ZDHHC2: variants seen among roughly 807,000 people sequenced by gnomAD.
The protein encoded by ZDHHC2 is palmitoyltransferase ZDHHC2.
A neutral mutation model predicts 55.6 loss-of-function variants in ZDHHC2; 51 were observed. The observed-to-expected ratio is 0.92, with a 90% confidence interval of 0.73 to 1.16. The LOEUF (loss-of-function observed/expected upper bound fraction) is 1.16. Among genes scored for constraint, ZDHHC2 ranks in the 50% most tolerant of loss-of-function variants. ZDHHC2 has a pLI of 0.00. For synonymous variants in ZDHHC2, 199 were observed against 152.9 expected (o/e 1.30, Z -2.22); for missense variants, 491 against 442.4 (o/e 1.11, Z -0.99).
intron 1 of ZDHHC2, among the ~76,000 whole-genome samples, chr8:17,172,536 A>G (rs1244135808): frequency 1.3e-5 from 2 of 152,212 alleles, no homozygotes; most frequent in Non-Finnish European, 1.5e-5. Flanking sequence ...ATACTCAACC[A>G]TACGGTATTA....
At chr8:17,199,546 T>TCTTCGTCTTCTGTCTTC (rs1806566009) in intron 6 of ZDHHC2, among the ~76,000 whole-genome samples, 1 of 40,642 alleles carries the variant, frequency 2.5e-5, no homozygotes, top group African/African-American at 7.4e-5. Flanking sequence ...CTTCGTCTTC[T>TCTTCGTCTTCTGTCTTC]GTCTTCGTCT....
rs1456922520 is a variant in ZDHHC2 at position 17,220,093 on chromosome 8, AT to A, written c.*35-161del. On this transcript the variant is annotated intron_variant, in intron 12 of 12. Transcript: ENST00000262096. ...ATATGCATATTAAAGTTTGAGCAGT[AT>A]TGATGTAGAGTTCCATATTCAAGAG... 2.6e-5 allele frequency among the ~76,000 whole-genome samples: 4 copies of A among 152,198 alleles called. No individual in the cohort carries two copies. The East Asian group carries it at 7.7e-4, about 29-fold the overall frequency.
chr8:17,202,538 C>T (rs1365502511), intron 6 of ZDHHC2, among the ~76,000 whole-genome samples: 2 of 152,028 alleles, frequency 1.3e-5, no homozygotes, highest in African/African-American at 2.4e-5. Context: ...TTTCCTAGAA[C>T]GTGTTTTGTT....
intron 11 of ZDHHC2, among the ~76,000 whole-genome samples, chr8:17,216,585 T>C (rs184155071): frequency 5.3e-5 from 8 of 152,290 alleles, no homozygotes; most frequent in African/African-American, 1.7e-4. Context: ...GGGGGTCAAT[T>C]GTTGAGACGT....
At chr8:17,208,890 T>A (rs1256794511) in intron 8 of ZDHHC2, among the ~76,000 whole-genome samples, 1 of 152,158 alleles carries the variant, frequency 6.6e-6, no homozygotes, top group South Asian at 2.1e-4. Context: ...CCCTGGATAA[T>A]ATGATCCTTT....
chr8:17,157,832 G>T (rs1804140756), intron 1 of ZDHHC2, among the ~76,000 whole-genome samples: 1 of 152,162 alleles, frequency 6.6e-6, no homozygotes, highest in Admixed American at 6.5e-5. Context: ...CTAGCTTTGG[G>T]TGGGACGAGG....
At chr8:17,218,154 G>T (rs557138024) in intron 12 of ZDHHC2, among the ~76,000 whole-genome samples, 33 of 152,302 alleles carry the variant, frequency 2.2e-4, no homozygotes, top group South Asian at 4.1e-4. Flanking sequence ...GGAAGAGCAG[G>T]ATCAGCTCTG....
At position 17,221,821 on chromosome 8, in the gene ZDHHC2, C is replaced by T. The variant is rs917060873; in HGVS notation, c.*1600C>T. On this transcript the variant is annotated 3_prime_UTR_variant, in exon 13 of 13. Coordinates refer to ENST00000262096, the MANE Select transcript of ZDHHC2 (RefSeq NM_016353.5). ...TCTGACAATCTGCTTCAAGAAATCT[C>T]AGAAAATATGATAACATTTTAACTT... 6.6e-6 allele frequency: 1 copy of T among 152,368 alleles called. No individual in the cohort carries two copies. The highest frequency in any genetic ancestry group is 6.6e-5 in the Admixed American group (1 of 15,246). The allele number at this position is 152,368 out of a possible 1,614,324, so 9.4% of individuals were successfully genotyped here.
intron 3 of ZDHHC2, among the ~76,000 whole-genome samples, chr8:17,188,195 G>C (rs909429371): frequency 1.3e-5 from 2 of 152,126 alleles, no homozygotes; most frequent in African/African-American, 4.8e-5. Context: ...ACCATCTTAA[G>C]GTTTTCTGTT....
In ZDHHC2 at chr8:17,220,671, T is replaced by A. The variant is rs533058270; in HGVS notation, c.*450T>A. ...TAATGATAAGCATTATTCATAAAAC[T>A]TGTTACCTTTAAGAAGGTGGAAGTG... On this transcript the variant is annotated 3_prime_UTR_variant, in exon 13 of 13. Transcript: ENST00000262096. 16 of 152,332 alleles carry A rather than the reference T, an allele frequency of 1.1e-4. No homozygotes were observed. The highest frequency in any genetic ancestry group is 3.6e-4 in the African/African-American group (15 of 41,582). The allele number at this position is 152,332 out of a possible 1,614,324, so 9.4% of individuals were successfully genotyped here. A position where few individuals can be genotyped will look rare whatever the true frequency, so the allele number is the denominator to read the frequency against.
chr8:17,201,519 G>T (rs1411228359), intron 6 of ZDHHC2, among the ~76,000 whole-genome samples: 2 of 93,560 alleles, frequency 2.1e-5, no homozygotes, highest in Non-Finnish European at 3.9e-5. Flanking sequence ...TTTAGATGGA[G>T]TCTAGCTCTG....
At chr8:17,190,782 C>G (rs1805983522) in intron 3 of ZDHHC2, among the ~76,000 whole-genome samples, 1 of 151,752 alleles carries the variant, frequency 6.6e-6, no homozygotes, top group Non-Finnish European at 1.5e-5. Context: ...TACAGGCATG[C>G]AATGTGTAAT....
intron 1 of ZDHHC2, among the ~76,000 whole-genome samples, chr8:17,165,668 A>C (rs1804565490): frequency 2.6e-5 from 4 of 152,218 alleles, no homozygotes; most frequent in Admixed American, 2.6e-4. Flanking sequence ...TGGGGGAAGG[A>C]AAATGAAATA....
intron 3 of ZDHHC2, among the ~76,000 whole-genome samples, chr8:17,188,401 T>A (rs1248412855): frequency 6.6e-6 from 1 of 152,188 alleles, no homozygotes; most frequent in Non-Finnish European, 1.5e-5. Flanking sequence ...ATTTCTGACT[T>A]TATACTTTAT....
At chr8:17,205,820 G>A (rs111526154) in intron 7 of ZDHHC2, 45 bp downstream of exon 7, 5 of 1,540,666 alleles carry the variant, frequency 3.2e-6, no homozygotes, top group Non-Finnish European at 4.4e-6. Flanking sequence ...TACAATAATA[G>A]ATAATATAGG....
intron 1 of ZDHHC2, among the ~76,000 whole-genome samples, chr8:17,158,797 C>CAATGCCTGTCTGCCTGGCGT (rs546477069): frequency 1.3e-5 from 2 of 152,108 alleles, no homozygotes; most frequent in Non-Finnish European, 2.9e-5. Context: ...CTGCCTGGCG[C>CAATGCCTGTCTGCCTGGCGT]AATGCCTGTC....
intron 6 of ZDHHC2, among the ~76,000 whole-genome samples, chr8:17,198,925 C>G (rs1806466968): frequency 6.6e-6 from 1 of 152,196 alleles, no homozygotes; most frequent in Non-Finnish European, 1.5e-5. Context: ...TAATATTTCT[C>G]AGTCACGAAA....
intron 1 of ZDHHC2, among the ~76,000 whole-genome samples, chr8:17,159,469 G>A (rs1804223841): frequency 6.6e-6 from 1 of 152,156 alleles, no homozygotes; most frequent in Non-Finnish European, 1.5e-5. Flanking sequence ...ATTATTCTGT[G>A]CCCTTTGCTG....
At chr8:17,184,951 C>T in intron 2 of ZDHHC2, 136 bp downstream of exon 2, 1 of 741,042 alleles carries the variant, frequency 1.3e-6, no homozygotes, top group Admixed American at 3.2e-5. Context: ...TGTCTCATTT[C>T]TCTTAAGTTT....
Sources: gnomAD v4.1 joint callset for allele counts (sites outside exome capture counted in the v4.1 genomes callset) on GRCh38, gnomAD v4.1.1 for gene constraint, MANE v1.5 for transcripts, NCBI Gene and HGNC (gene_info 2026-07-23, HGNC 2026-07-21) for gene names.